The following MMP27 variants were observed in gnomAD, a reference collection of about 807,000 sequenced individuals.
MMP27 encodes the protein matrix metalloproteinase-27.
MMP27 carries 51 observed loss-of-function variants against 48.1 expected under a neutral mutation model. The ratio of observed to expected loss-of-function variants is 1.06; its 90% CI spans 0.85 to 1.34. The LOEUF (loss-of-function observed/expected upper bound fraction) is 1.34. Among genes scored for constraint, MMP27 ranks in the 40% most tolerant of loss-of-function variants. The probability of loss-of-function intolerance (pLI) is 0.00; values close to 1 mark genes in which losing one functional copy is unlikely to be tolerated. For synonymous variants in MMP27, 229 were observed against 208.9 expected, an observed-to-expected ratio of 1.10 and a Z score of -0.83; for missense variants, 698 against 619.3, an observed-to-expected ratio of 1.13 and a Z score of -1.35.
chr11:102,692,030 A>T lies in MMP27; in HGVS notation c.1298-20T>A, dbSNP rs749356916. 1 of 1,570,138 alleles carries T rather than the reference A, an allele frequency of 6.4e-7. No homozygotes were observed. Among genetic ancestry groups the T allele is most frequent in the South Asian group, 1.2e-5 (1 of 84,198 alleles). ...AGAATCCTAGAGACAGGGAATCAGG[A>T]TTAGTTATCTTTCATAACTATATAA... On this transcript the variant is annotated intron_variant, in intron 9 of 9. Transcript: ENST00000260229.
intron 6 of MMP27, among the ~76,000 whole-genome samples, chr11:102,695,939 T>A (rs1343126922): frequency 6.6e-6 from 1 of 152,248 alleles, no homozygotes; most frequent in Non-Finnish European, 1.5e-5. Flanking sequence ...GAAGAAGACA[T>A]GACTTTAATC....
intron 4 of MMP27, among the ~76,000 whole-genome samples, chr11:102,702,322 G>T (rs1860954464): frequency 6.6e-6 from 1 of 152,184 alleles, no homozygotes; most frequent in Non-Finnish European, 1.5e-5. Context: ...CCTCCCTAGA[G>T]TCTTCTTTCA....
chr11:102,701,169 A>C (rs1284556103), intron 4 of MMP27, among the ~76,000 whole-genome samples: 1 of 152,194 alleles, frequency 6.6e-6, no homozygotes, highest in Non-Finnish European at 1.5e-5. Flanking sequence ...GGACTGAAAT[A>C]AAGTGGTCAG....
rs189408947 is a variant in MMP27 at position 102,705,739 on chromosome 11, G to T, written c.-25C>A. 3 of 1,504,456 alleles carry T rather than the reference G, an allele frequency of 2.0e-6. No individual in the cohort carries two copies. The highest frequency in any genetic ancestry group is 2.8e-5 in the African/African-American group (2 of 71,718). The allele number at this position is 1,504,456 out of a possible 1,614,324, so 93.2% of individuals were successfully genotyped here. A position where few individuals can be genotyped will look rare whatever the true frequency, so the allele number is the denominator to read the frequency against. On this transcript the variant is annotated 5_prime_UTR_variant, in exon 1 of 10. Transcript: ENST00000260229. Reference sequence around the variant, plus strand: ...TTCCTCTCTTTCTTCAGCTGAAGCCGGTTCTGTTAGCACAGAATTTAGAAA... The same window carrying T: ...TTCCTCTCTTTCTTCAGCTGAAGCCTGTTCTGTTAGCACAGAATTTAGAAA...
At chr11:102,694,833 G>T in intron 7 of MMP27, 134 bp downstream of exon 7, 2 of 927,518 alleles carry the variant, frequency 2.2e-6, no homozygotes, top group South Asian at 2.0e-5. Context: ...TATTCTTTAC[G>T]ACAGGAACCT....
chr11:102,699,912 T>C (rs1860906621), intron 4 of MMP27, among the ~76,000 whole-genome samples: 2 of 152,336 alleles, frequency 1.3e-5, no homozygotes, highest in South Asian at 4.1e-4. Flanking sequence ...CCCTACTTTG[T>C]CTTCTTAGTT....
Position 102,696,706 on chromosome 11 carries a change from T to G in MMP27, c.749A>C (p.Gln250Pro), listed in dbSNP as rs772828972. 3.1e-6 allele frequency: 5 copies of G among 1,613,720 alleles called. No homozygotes were observed. Among genetic ancestry groups the G allele is most frequent in the Non-Finnish European group, 4.2e-6 (5 of 1,179,828 alleles). Residue 250 changes from glutamine to proline, a missense_variant, in exon 5 of 10, where the codon CAG becomes CCG. Transcript: ENST00000260229. ...SLDPRKYPLS[Q>P]DDINGIQSIY... is the part of the protein sequence containing the mutation. ...GGACTGGATTCCATTGATATCATCC[T>G]GAGAAAGTGGGTATTTTCTGGGATC...
Position 102,695,067 on chromosome 11 carries a change from C to G in MMP27, c.933G>C (p.Thr311=). The G allele has an allele frequency of 1.2e-6, 2 of 1,613,868 alleles. No individual in the cohort carries two copies. The highest frequency in any genetic ancestry group is 1.7e-6 in the Non-Finnish European group (2 of 1,179,920). The part of the protein sequence containing the change: ...RHLWRIYYDI[T]DVEFELIASF... The stretch of plus-strand genomic sequence containing the variant: ...AAGCAATTAATTCAAACTCAACATC[C>G]GTGATATCATAATAGATCCTCCATA... Residue 311 remains threonine (T), a synonymous_variant, in exon 7 of 10, where the codon ACG becomes ACC. Coordinates refer to ENST00000260229, the MANE Select transcript of MMP27 (RefSeq NM_022122.3).
At chr11:102,696,047 T>C (rs1317218733) in intron 6 of MMP27, among the ~76,000 whole-genome samples, 1 of 152,220 alleles carries the variant, frequency 6.6e-6, no homozygotes, top group Admixed American at 6.5e-5. Context: ...AATTTAACAA[T>C]AGACTCCTGT....
intron 4 of MMP27, among the ~76,000 whole-genome samples, chr11:102,702,051 G>T (rs1163039229): frequency 6.6e-6 from 1 of 152,182 alleles, no homozygotes. Context: ...TTTCTTTGAG[G>T]CCTACATTGC....
rs762003877 is a variant in MMP27 at position 102,705,688 on chromosome 11, CA to C, written c.26del (p.Leu9CysfsTer4). On this transcript the variant is annotated frameshift_variant, in exon 1 of 10. Transcript: ENST00000260229. LOFTEE classifies it high-confidence loss of function. The stretch of plus-strand genomic sequence containing the variant: ...ATGCAGAAGAAAATGTTATAAAGAA[CA>C]AAAACAGAAGCAGAAGGCGCTTCAT... MKRLLLLF[L>X]FFITFSSAFP... 1.2e-5 allele frequency: 20 copies of C among 1,606,040 alleles called. No individual in the cohort carries two copies. The African/African-American group carries it at 2.3e-4, about 18-fold the overall frequency.
rs910609427 is a variant in MMP27, at chr11:102,704,738, C to T, written c.140G>A (p.Gly47Glu). 4 of 1,613,016 alleles carry T rather than the reference C, an allele frequency of 2.5e-6. No individual in the cohort carries two copies. In the East Asian group the frequency reaches 8.9e-5, roughly 36 times the overall value. ...ATTCTTGCTTTGAACAAGATGATTC[C>T]CTTCTATTTCAAGAGAGTAGAACTG... ...LNQFYSLEIE[G>E]NHLVQSKNRS... The change falls in exon 2 of 10, where the codon GGG (glycine) becomes GAG (glutamate). Residue 47 changes from glycine to glutamate, a missense_variant. Physicochemically the swap from Gly to Glu is moderately conservative, Grantham distance 98 (BLOSUM62 -2). Coordinates refer to ENST00000260229, the MANE Select transcript of MMP27 (RefSeq NM_022122.3).
chr11:102,695,235 G>A (rs780065637), intron 6 of MMP27, 138 bp from the exon 7 acceptor site: 40 of 975,578 alleles, frequency 4.1e-5, no homozygotes, highest in Non-Finnish European at 6.0e-5. Context: ...ATTTTCCCCA[G>A]TAAATTTAGG....
chr11:102,699,391 C>T (rs1307838816), intron 4 of MMP27, among the ~76,000 whole-genome samples: 2 of 152,014 alleles, frequency 1.3e-5, no homozygotes, highest in African/African-American at 2.4e-5. Flanking sequence ...TTGCTTGAGT[C>T]CAATAGGCAT....
At position 102,691,685 on chromosome 11, in the gene MMP27, T is replaced by C; in HGVS notation, c.*81A>G. ...ATTTAGAACTAGGACCAGCAACTTG[T>C]TGTTAAAGAATGGTTTTATTCTATT... On this transcript the variant is annotated 3_prime_UTR_variant, in exon 10 of 10. Transcript: ENST00000260229. 1 of 1,245,596 alleles carries C rather than the reference T, an allele frequency of 8.0e-7. No homozygotes were observed. 77.2% of individuals were successfully genotyped at this position (1,245,596 alleles called of 1,614,324 possible).
intron 2 of MMP27, 92 bp from the exon 3 acceptor site, chr11:102,703,210 A>C: frequency 8.3e-7 from 1 of 1,207,602 alleles, no homozygotes; most frequent in Non-Finnish European, 1.1e-6. Context: ...CTTATCAATA[A>C]TGTGCTGCAG....
chr11:102,692,208 T>C (rs74381923), intron 9 of MMP27, among the ~76,000 whole-genome samples, 198 bp from the exon 10 acceptor site: 2 of 152,336 alleles, frequency 1.3e-5, no homozygotes, highest in African/African-American at 2.4e-5. Flanking sequence ...GCCAGTGTTA[T>C]AAAGGGTGAG....
chr11:102,704,459 A>G (rs1219751336), intron 2 of MMP27, 78 bp downstream of exon 2: 14 of 1,120,552 alleles, frequency 1.2e-5, no homozygotes, highest in Non-Finnish European at 1.8e-5. Context: ...AGTCAATTGA[A>G]TGAATATTAT....
chr11:102,702,738 GA>G lies in MMP27; in HGVS notation c.619+14del. 1 of 1,581,348 alleles carries G rather than the reference GA, an allele frequency of 6.3e-7. No homozygotes were observed. ...AGAATAATAAGATTTTGTTCATAAA[GA>G]AAATTAGACTCACCTGCTCCATCCT... On this transcript the variant is annotated intron_variant, in intron 4 of 9. Coordinates refer to ENST00000260229, the MANE Select transcript of MMP27 (RefSeq NM_022122.3).
Sources: allele counts gnomAD v4.1 joint callset (sites outside exome capture counted in the v4.1 genomes callset), GRCh38; gene constraint gnomAD v4.1.1; transcripts MANE v1.5; gene names NCBI Gene and HGNC (gene_info 2026-07-23, HGNC 2026-07-21).